Variants in TENM3 observed in about 807,000 individuals in gnomAD.
TENM3 encodes the protein teneurin transmembrane protein 3.
Under a neutral mutation model 255.1 loss-of-function variants are expected in TENM3, and 63 were observed. The ratio of observed to expected loss-of-function variants is 0.25; its 90% CI spans 0.20 to 0.30. The LOEUF is 0.30. Ranked by LOEUF, TENM3 falls within the 10% of genes least tolerant of loss-of-function variation. The pLI is 1.00. For missense variants in TENM3, 2,929 were observed against 3,461.1 expected (o/e 0.85, Z 3.86); for synonymous variants, 1,306 against 1,322.3 (o/e 0.99, Z 0.27).
At chr4:182,690,881 A>G (rs1486239954) in intron 12 of TENM3, among the ~76,000 whole-genome samples, 2 of 152,228 alleles carry the variant, frequency 1.3e-5, no homozygotes, top group African/African-American at 4.8e-5. Context: ...TCCATTTCCT[A>G]TCATTTTAAT....
chr4:182,271,220 C>A (rs1028078979), intron 1 of TENM3, among the ~76,000 whole-genome samples: 1 of 152,142 alleles, frequency 6.6e-6, no homozygotes, highest in Admixed American at 6.5e-5. Flanking sequence ...CTAGTTATCG[C>A]CTTACAGCAG....
the TENM3 span, among the ~76,000 whole-genome samples, chr4:181,562,937 A>T: frequency 1.3e-5 from 2 of 152,146 alleles, no homozygotes; most frequent in African/African-American, 4.8e-5. Context: ...GGCCTCCCAA[A>T]GTGCTGGGAT....
chr4:182,438,736 T>C (rs1284513606), intron 3 of TENM3, among the ~76,000 whole-genome samples: 4 of 152,342 alleles, frequency 2.6e-5, no homozygotes, highest in African/African-American at 9.6e-5. Context: ...TCTTAGACTC[T>C]GTAGTTAAGG....
At chr4:181,821,692 TTTAATGAAATGCATC>T in the TENM3 span, 1 of 152,232 alleles carries the variant, frequency 6.6e-6, no homozygotes, top group African/African-American at 2.4e-5. Flanking sequence ...GAGAAGTCAC[TTTAATGAAATGCATC>T]TCTTGAGGGT....
chr4:181,915,928 A>T, the TENM3 span, among the ~76,000 whole-genome samples: 1 of 152,142 alleles, frequency 6.6e-6, no homozygotes, highest in Non-Finnish European at 1.5e-5. Context: ...GAAAACTCCA[A>T]TACAGGCAGT....
chr4:182,160,128 G>C (rs1039807352), intron 1 of TENM3, among the ~76,000 whole-genome samples: 2 of 149,916 alleles, frequency 1.3e-5, no homozygotes, highest in South Asian at 2.1e-4. Flanking sequence ...TCAGCCTCCC[G>C]AGTAGCTGGG....
At chr4:182,539,797 C>T (rs1479604730) in intron 3 of TENM3, among the ~76,000 whole-genome samples, 1 of 152,132 alleles carries the variant, frequency 6.6e-6, no homozygotes, top group Non-Finnish European at 1.5e-5. Context: ...GGAGAAGATT[C>T]GGTGTGGGTG....
At chr4:182,795,553 G>T (rs1433032497) in intron 26 of TENM3, among the ~76,000 whole-genome samples, 1 of 152,182 alleles carries the variant, frequency 6.6e-6, no homozygotes. Flanking sequence ...ATGCCTGGAC[G>T]AATGACCTGC....
chr4:181,782,886 G>C, the TENM3 span, among the ~76,000 whole-genome samples: 1 of 152,190 alleles, frequency 6.6e-6, no homozygotes. Context: ...GTACCCAGTA[G>C]TCATTCAGGA....
the TENM3 span, among the ~76,000 whole-genome samples, chr4:181,458,485 C>T: frequency 6.6e-6 from 1 of 151,896 alleles, no homozygotes; most frequent in African/African-American, 2.4e-5. Context: ...TAAATAAATG[C>T]TTTTTGAAAA....
the TENM3 span, among the ~76,000 whole-genome samples, chr4:181,677,182 T>C: frequency 6.6e-6 from 1 of 152,018 alleles, no homozygotes; most frequent in African/African-American, 2.4e-5. Context: ...CTAATGCCCA[T>C]GATTCACAAA....
At chr4:181,658,428 G>A in the TENM3 span, among the ~76,000 whole-genome samples, 1 of 152,048 alleles carries the variant, frequency 6.6e-6, no homozygotes, top group Non-Finnish European at 1.5e-5. Flanking sequence ...AGTGTACTGG[G>A]GCAACCTGAA....
At chr4:182,434,351 A>G (rs904511872) in intron 3 of TENM3, among the ~76,000 whole-genome samples, 1 of 152,150 alleles carries the variant, frequency 6.6e-6, no homozygotes, top group Non-Finnish European at 1.5e-5. Flanking sequence ...GTTGTACTTC[A>G]TAGAATTAAA....
intron 1 of TENM3, among the ~76,000 whole-genome samples, chr4:182,186,800 T>G: frequency 1.1e-5 from 1 of 88,422 alleles, no homozygotes; most frequent in East Asian, 4.8e-4. Flanking sequence ...TATATATATA[T>G]ATATATATAT....
chr4:182,256,933 G>A (rs1183460789), intron 1 of TENM3, among the ~76,000 whole-genome samples: 3 of 151,486 alleles, frequency 2.0e-5, no homozygotes, highest in Admixed American at 6.6e-5. Context: ...AACGGTACCC[G>A]GAGTGCCATT....
At chr4:181,471,741 C>T in the TENM3 span, among the ~76,000 whole-genome samples, 2 of 152,110 alleles carry the variant, frequency 1.3e-5, no homozygotes, top group African/African-American at 4.8e-5. Flanking sequence ...TTGCAAGGCT[C>T]ATGGCTGACA....
At chr4:182,224,237 A>C (rs1299411051) in intron 1 of TENM3, among the ~76,000 whole-genome samples, 1 of 152,194 alleles carries the variant, frequency 6.6e-6, no homozygotes, top group African/African-American at 2.4e-5. Flanking sequence ...CTTGCTGAAC[A>C]GTCTCCTGAA....
chr4:182,166,252 A>G (rs1751716438), intron 1 of TENM3, among the ~76,000 whole-genome samples: 1 of 152,236 alleles, frequency 6.6e-6, no homozygotes. Flanking sequence ...AGCTTTCCAT[A>G]GGAAACTATA....
intron 1 of TENM3, among the ~76,000 whole-genome samples, chr4:182,288,214 G>T (rs529992202): frequency 4.2e-4 from 64 of 152,248 alleles, no homozygotes; most frequent in African/African-American, 1.3e-3. Flanking sequence ...GGGATTACAG[G>T]CATGAGCCAC....
Sources: allele counts gnomAD v4.1 joint callset (sites outside exome capture counted in the v4.1 genomes callset), GRCh38; gene constraint gnomAD v4.1.1; transcripts MANE v1.5; gene names NCBI Gene and HGNC (gene_info 2026-07-23, HGNC 2026-07-21).